The following EIF2B3 variants were observed in gnomAD, a reference collection of about 807,000 sequenced individuals.
The protein encoded by EIF2B3 is eukaryotic translation initiation factor 2B subunit gamma.
EIF2B3 carries 20 observed loss-of-function variants against 54.1 expected under a neutral mutation model. That is an observed-to-expected ratio of 0.37 (90% CI 0.26 to 0.54). The LOEUF (loss-of-function observed/expected upper bound fraction) is 0.54. Ranked by LOEUF, EIF2B3 falls within the 20% of genes least tolerant of loss-of-function variation. The pLI is 0.86. For synonymous variants in EIF2B3, 153 were observed against 188.1 expected (o/e 0.81, Z 1.52); for missense variants, 448 against 547.8 (o/e 0.82, Z 1.82).
chr1:44,977,340 G>T (rs1011872520), intron 3 of EIF2B3, among the ~76,000 whole-genome samples: 2 of 152,080 alleles, frequency 1.3e-5, no homozygotes, highest in Non-Finnish European at 2.9e-5. Context: ...ATTTTTGAAC[G>T]TTCCTTTGTA....
At chr1:44,953,493 C>A (rs115718473) in intron 3 of EIF2B3, among the ~76,000 whole-genome samples, 1,619 of 152,230 alleles carry the variant, frequency 0.011, 32 homozygotes, top group African/African-American at 0.037. Context: ...AATATCAGTT[C>A]TTGCCGGGTG....
chr1:44,946,265 C>G (rs1644101093), intron 3 of EIF2B3, among the ~76,000 whole-genome samples: 1 of 152,186 alleles, frequency 6.6e-6, no homozygotes, highest in Non-Finnish European at 1.5e-5. Context: ...AGCCCCTCTC[C>G]TGCCTCTGTT....
intron 10 of EIF2B3, among the ~76,000 whole-genome samples, chr1:44,867,397 C>T (rs1654815213): frequency 6.6e-6 from 1 of 152,168 alleles, no homozygotes; most frequent in South Asian, 2.1e-4. Flanking sequence ...GTCTCGCCTA[C>T]ACCTTCTCCA....
At chr1:44,877,207 A>C (rs1462459683) in intron 8 of EIF2B3, among the ~76,000 whole-genome samples, 16 of 148,124 alleles carry the variant, frequency 1.1e-4, no homozygotes, top group Admixed American at 2.7e-4. Flanking sequence ...AAAAAAAAAA[A>C]AAAAAAAAAA....
chr1:44,928,450 A>G (rs1285872964), intron 4 of EIF2B3, among the ~76,000 whole-genome samples: 1 of 152,030 alleles, frequency 6.6e-6, no homozygotes, highest in East Asian at 1.9e-4. Flanking sequence ...CCATCTCAAT[A>G]AATAAATTAA....
intron 4 of EIF2B3, among the ~76,000 whole-genome samples, chr1:44,932,872 C>A (rs1292022409): frequency 1.3e-5 from 2 of 152,098 alleles, no homozygotes; most frequent in African/African-American, 4.8e-5. Flanking sequence ...GATACAAAAG[C>A]TCAAAAATTT....
intron 10 of EIF2B3, 41 bp downstream of exon 10, chr1:44,874,637 T>C (rs1655061120): frequency 6.2e-7 from 1 of 1,603,854 alleles, no homozygotes; most frequent in Non-Finnish European, 8.5e-7. Flanking sequence ...AAGGCATTTT[T>C]CCATTATCTT....
chr1:44,924,107 A>AT (rs1643805330), intron 5 of EIF2B3, among the ~76,000 whole-genome samples: 2 of 151,096 alleles, frequency 1.3e-5, no homozygotes, highest in Non-Finnish European at 3.0e-5. Flanking sequence ...CACCCAGCTA[A>AT]TTTTTTGTAT....
At chr1:44,919,006 T>C (rs1394844147) in intron 5 of EIF2B3, among the ~76,000 whole-genome samples, 2 of 152,218 alleles carry the variant, frequency 1.3e-5, no homozygotes, top group African/African-American at 2.4e-5. Context: ...AATTAAATCA[T>C]AATTTGGGTT....
intron 4 of EIF2B3, among the ~76,000 whole-genome samples, chr1:44,930,675 C>T (rs901587413): frequency 6.6e-6 from 1 of 152,184 alleles, no homozygotes; most frequent in Non-Finnish European, 1.5e-5. Flanking sequence ...CAGTCTTGCT[C>T]TGTCGCCCAG....
intron 5 of EIF2B3, among the ~76,000 whole-genome samples, chr1:44,911,036 C>T (rs981214388): frequency 6.6e-6 from 1 of 152,076 alleles, no homozygotes; most frequent in Non-Finnish European, 1.5e-5. Flanking sequence ...AAGGCCGTAT[C>T]CAAGATAACT....
intron 5 of EIF2B3, among the ~76,000 whole-genome samples, chr1:44,918,654 G>A (rs1354717499): frequency 1.3e-5 from 2 of 152,174 alleles, no homozygotes; most frequent in Non-Finnish European, 2.9e-5. Context: ...GCCTCCCAAA[G>A]TGCTGGGATT....
chr1:44,956,500 A>G (rs1203057938), intron 3 of EIF2B3, among the ~76,000 whole-genome samples: 3 of 151,670 alleles, frequency 2.0e-5, no homozygotes, highest in Admixed American at 2.0e-4. Context: ...AAAAAAAATC[A>G]ATAGAAACCA....
At chr1:44,870,176 A>AAGAGAG (rs57863923) in intron 10 of EIF2B3, among the ~76,000 whole-genome samples, 44 of 146,102 alleles carry the variant, frequency 3.0e-4, no homozygotes, top group African/African-American at 6.6e-4. Flanking sequence ...CGTCTCAAAA[A>AAGAGAG]AGAGAGAGAG....
intron 4 of EIF2B3, among the ~76,000 whole-genome samples, chr1:44,930,937 G>C (rs1643891616): frequency 1.3e-5 from 2 of 152,118 alleles, no homozygotes; most frequent in South Asian, 4.1e-4. Flanking sequence ...GCCCAACCAA[G>C]GCTCTATACA....
At chr1:44,942,447 A>C (rs1167963665) in intron 3 of EIF2B3, among the ~76,000 whole-genome samples, 1 of 32,508 alleles carries the variant, frequency 3.1e-5, no homozygotes, top group Non-Finnish European at 5.1e-5. Context: ...TTTTTTTTCC[A>C]GACAGGGTCT....
In EIF2B3 at chr1:44,901,637, C is replaced by T. The variant is rs377396332; in HGVS notation, c.567-4193G>A. On this transcript the variant is annotated intron_variant, in intron 5 of 11. Coordinates refer to ENST00000360403, the MANE Select transcript of EIF2B3 (RefSeq NM_020365.5). ...GCTGTGGCGTGATCACAGCTCACTG[C>T]CCCCTCAACCTCCCTGGGCTCAGGT... Among the ~76,000 whole-genome samples, 511 of 151,024 alleles carry T rather than the reference C, an allele frequency of 3.4e-3. 3 individuals are homozygous for T. Among genetic ancestry groups the T allele is most frequent in the Middle Eastern group, 0.01 (3 of 288 alleles).
intron 3 of EIF2B3, chr1:44,958,465 T>G: frequency 2.9e-6 from 2 of 701,268 alleles, no homozygotes; most frequent in Non-Finnish European, 4.6e-6. Flanking sequence ...CTGGACCTCT[T>G]TGGTGCTGTA....
chr1:44,968,520 A>C (rs1352946292), intron 3 of EIF2B3, among the ~76,000 whole-genome samples: 1 of 152,212 alleles, frequency 6.6e-6, no homozygotes, highest in African/African-American at 2.4e-5. Context: ...ATCCAGACAA[A>C]AGGACCAAGT....
Sources: allele counts gnomAD v4.1 joint callset (sites outside exome capture counted in the v4.1 genomes callset), GRCh38; gene constraint gnomAD v4.1.1; transcripts MANE v1.5; gene names NCBI Gene and HGNC (gene_info 2026-07-23, HGNC 2026-07-21).